The following SLC17A1 variants were observed in gnomAD, a reference collection of about 807,000 sequenced individuals.
SLC17A1 encodes sodium-dependent phosphate transport protein 1.
A neutral mutation model predicts 53.5 loss-of-function variants in SLC17A1; 51 were observed. That is an observed-to-expected ratio of 0.95 (90% CI 0.76 to 1.20). The LOEUF is 1.20. Ranked by LOEUF, SLC17A1 falls within the 50% of genes most tolerant of loss-of-function variation. SLC17A1 has a pLI of 0.00. For synonymous variants in SLC17A1, 179 were observed against 198.8 expected (o/e 0.90, Z 0.84); for missense variants, 538 against 568.2 (o/e 0.95, Z 0.54).
At chr6:25,726,541 A>C in the SLC17A1 span, 5 of 1,599,130 alleles carry the variant, frequency 3.1e-6, no homozygotes, top group Middle Eastern at 5.0e-4. Flanking sequence ...CTCGCATCAA[A>C]TTGCAGCAAC....
the SLC17A1 span, among the ~76,000 whole-genome samples, chr6:25,763,364 AGCC>A: frequency 1.3e-5 from 2 of 152,198 alleles, no homozygotes; most frequent in African/African-American, 4.8e-5. Context: ...TACTCCTCCA[AGCC>A]TTACCAAGTT....
chr6:25,792,908 G>A (rs899831355), intron 12 of SLC17A1, among the ~76,000 whole-genome samples: 3 of 152,036 alleles, frequency 2.0e-5, no homozygotes, highest in African/African-American at 7.2e-5. Context: ...ATCTGTCCTG[G>A]TCTCCCTGCC....
the SLC17A1 span, chr6:25,726,447 G>C: frequency 6.2e-6 from 10 of 1,613,692 alleles, no homozygotes; most frequent in African/African-American, 4.0e-5. Flanking sequence ...TCCGGCCTAC[G>C]GGAAACTGCA....
chr6:25,805,443 AC>A (rs1763919257), intron 10 of SLC17A1, among the ~76,000 whole-genome samples: 1 of 152,064 alleles, frequency 6.6e-6, no homozygotes, highest in Non-Finnish European at 1.5e-5. Context: ...CAAATTGACA[AC>A]CTAATGTCAC....
chr6:25,809,071 A>T (rs1171764776), intron 10 of SLC17A1, among the ~76,000 whole-genome samples: 1 of 152,098 alleles, frequency 6.6e-6, no homozygotes. Context: ...TCTGCCATAA[A>T]AAAGAATGAA....
chr6:25,809,468 G>A (rs777667527), intron 10 of SLC17A1, among the ~76,000 whole-genome samples: 1 of 151,810 alleles, frequency 6.6e-6, no homozygotes, highest in Non-Finnish European at 1.5e-5. Flanking sequence ...ACTCTCCCTA[G>A]TTACAGTGAA....
At position 25,822,689 on chromosome 6, in the gene SLC17A1, C is replaced by T. The variant is rs186212005; in HGVS notation, c.208-2774G>A. Among the ~76,000 whole-genome samples, 227 of 152,116 alleles carry T rather than the reference C, an allele frequency of 1.5e-3. 2 individuals carry two copies. The highest frequency in any genetic ancestry group is 1.7e-3 in the Non-Finnish European group (115 of 67,982). ...AGTGAAGGCTCTAAAATACAACTCCCGTGAGTAGCCATTTCTCTAGAATAT... is the reference window on the plus strand; with the variant it reads ...AGTGAAGGCTCTAAAATACAACTCCTGTGAGTAGCCATTTCTCTAGAATAT... On this transcript the variant is annotated intron_variant, in intron 3 of 12. Coordinates refer to ENST00000244527, the MANE Select transcript of SLC17A1 (RefSeq NM_005074.5).
chr6:25,749,912 G>A, the SLC17A1 span, among the ~76,000 whole-genome samples: 3 of 152,294 alleles, frequency 2.0e-5, no homozygotes, highest in Middle Eastern at 3.4e-3. Context: ...CTATAAGCCT[G>A]GTCCCAACAT....
At chr6:25,826,699 G>A in intron 2 of SLC17A1, 66 bp from the exon 3 acceptor site, 1 of 1,217,702 alleles carries the variant, frequency 8.2e-7, no homozygotes, top group Non-Finnish European at 1.1e-6. Flanking sequence ...TTTAACTATA[G>A]GAGGGACATT....
chr6:25,727,329 CTT>C, the SLC17A1 span: 10 of 1,531,480 alleles, frequency 6.5e-6, no homozygotes, highest in Non-Finnish European at 8.8e-6. Context: ...CCCAAAGGCT[CTT>C]TTCAGAGCCA....
the SLC17A1 span, chr6:25,726,188 C>T: frequency 6.3e-7 from 1 of 1,597,880 alleles, no homozygotes. Flanking sequence ...AGCAGCACTG[C>T]CTGAATGTTA....
At chr6:25,746,611 T>C in the SLC17A1 span, among the ~76,000 whole-genome samples, 6 of 152,190 alleles carry the variant, frequency 3.9e-5, no homozygotes, top group Admixed American at 3.9e-4. Context: ...CAAATTCTTA[T>C]CACCACCCTA....
the SLC17A1 span, among the ~76,000 whole-genome samples, chr6:25,763,966 C>T: frequency 2.0e-5 from 3 of 152,126 alleles, no homozygotes; most frequent in Non-Finnish European, 4.4e-5. Context: ...ATTCCACAAA[C>T]GTTGGAAGGC....
intron 2 of SLC17A1, 89 bp downstream of exon 2, chr6:25,830,435 A>T: frequency 9.9e-7 from 1 of 1,014,368 alleles, no homozygotes. Context: ...CCCCATATGT[A>T]TATCACAAAA....
chr6:25,819,266 A>G (rs1450771923), intron 5 of SLC17A1, 112 bp from the exon 6 acceptor site: 6 of 741,376 alleles, frequency 8.1e-6, no homozygotes, highest in Non-Finnish European at 1.3e-5. Flanking sequence ...TTTGTGTATC[A>G]TAACACAAAC....
the SLC17A1 span, among the ~76,000 whole-genome samples, chr6:25,730,692 C>T: frequency 3.3e-5 from 5 of 152,064 alleles, no homozygotes; most frequent in East Asian, 5.8e-4. Flanking sequence ...ATTGCCATTC[C>T]GCGATGTATA....
the SLC17A1 span, among the ~76,000 whole-genome samples, chr6:25,765,444 G>T: frequency 1.3e-5 from 2 of 152,208 alleles, no homozygotes; most frequent in African/African-American, 4.8e-5. Context: ...GTAGCAGCTG[G>T]ATTTAAACCA....
the SLC17A1 span, chr6:25,770,142 C>T: frequency 6.2e-7 from 1 of 1,614,064 alleles, no homozygotes; most frequent in South Asian, 1.1e-5. Flanking sequence ...ATTCTTGGCT[C>T]CAATCCCCAG....
At chr6:25,812,333 T>G (rs1764186180) in intron 8 of SLC17A1, among the ~76,000 whole-genome samples, 2 of 152,132 alleles carry the variant, frequency 1.3e-5, no homozygotes, top group Non-Finnish European at 2.9e-5. Flanking sequence ...TATTGAACAA[T>G]AGGAGTTTGC....
Sources: allele counts gnomAD v4.1 joint callset (sites outside exome capture counted in the v4.1 genomes callset), GRCh38; gene constraint gnomAD v4.1.1; transcripts MANE v1.5; gene names NCBI Gene and HGNC (gene_info 2026-07-23, HGNC 2026-07-21).